The following CTNNA3 variants were observed in gnomAD, a reference collection of about 807,000 sequenced individuals.
CTNNA3 encodes catenin alpha 3.
In CTNNA3, 76 loss-of-function variants were observed where a neutral mutation model predicts 95.7. That is an observed-to-expected ratio of 0.79 (90% CI 0.66 to 0.96). CTNNA3 has a LOEUF of 0.96. Among genes scored for constraint, CTNNA3 ranks in the 40% least tolerant of loss-of-function variants. The probability of loss-of-function intolerance (pLI) is 0.00; values close to 1 mark genes in which losing one functional copy is unlikely to be tolerated. For synonymous variants in CTNNA3, 431 were observed against 374.4 expected, an observed-to-expected ratio of 1.15 and a Z score of -1.74; for missense variants, 1,191 against 1,089.8, an observed-to-expected ratio of 1.09 and a Z score of -1.31.
intron 5 of CTNNA3, among the ~76,000 whole-genome samples, chr10:67,253,842 A>G (rs1866217348): frequency 6.6e-6 from 1 of 152,212 alleles, no homozygotes. Flanking sequence ...GAGGCCCAGA[A>G]GGTAATGCAA....
chr10:66,920,699 T>A (rs2044712480), intron 7 of CTNNA3, among the ~76,000 whole-genome samples: 1 of 152,158 alleles, frequency 6.6e-6, no homozygotes, highest in South Asian at 2.1e-4. Flanking sequence ...AAATCCAGAT[T>A]TAATCCAAAT....
At chr10:67,680,567 C>G (rs1178393109) in intron 1 of CTNNA3, among the ~76,000 whole-genome samples, 6 of 152,136 alleles carry the variant, frequency 3.9e-5, no homozygotes, top group Non-Finnish European at 7.4e-5. Context: ...ATCTTCCCAG[C>G]TGCATTGTCT....
intron 3 of CTNNA3, among the ~76,000 whole-genome samples, chr10:67,586,867 C>T (rs1229259904): frequency 5.3e-5 from 8 of 151,298 alleles, no homozygotes; most frequent in Non-Finnish European, 1.0e-4. Flanking sequence ...TTCTTTGTAC[C>T]CTTCTTTTTC....
chr10:67,333,082 C>T (rs183272121), intron 5 of CTNNA3, among the ~76,000 whole-genome samples: 1 of 152,272 alleles, frequency 6.6e-6, no homozygotes, highest in East Asian at 1.9e-4. Flanking sequence ...AAGCGTACTG[C>T]AATGAAAAGT....
intron 8 of CTNNA3, among the ~76,000 whole-genome samples, chr10:66,774,909 C>A (rs1252012488): frequency 6.6e-6 from 1 of 151,922 alleles, no homozygotes; most frequent in Admixed American, 6.6e-5. Flanking sequence ...AAAAAGAAGG[C>A]TTAACTTTTA....
chr10:67,697,886 G>A (rs77932157), upstream of CTNNA3, among the ~76,000 whole-genome samples: 11,010 of 152,092 alleles, frequency 0.072, 797 homozygotes, highest in African/African-American at 0.19. Flanking sequence ...AGGCCCCATG[G>A]TCCTCTGTAT....
At chr10:66,297,332 GAAT>G (rs1270755203) in intron 12 of CTNNA3, among the ~76,000 whole-genome samples, 2 of 151,920 alleles carry the variant, frequency 1.3e-5, no homozygotes, top group Non-Finnish European at 2.9e-5. Flanking sequence ...TGCTGAGACA[GAAT>G]AATAAATAAA....
intron 7 of CTNNA3, among the ~76,000 whole-genome samples, chr10:66,941,370 C>A (rs976550301): frequency 3.3e-5 from 5 of 152,184 alleles, no homozygotes; most frequent in African/African-American, 1.2e-4. Flanking sequence ...AGATTTATGA[C>A]ATAAGGATAG....
At chr10:66,824,521 T>C (rs1842423536) in intron 7 of CTNNA3, among the ~76,000 whole-genome samples, 1 of 152,028 alleles carries the variant, frequency 6.6e-6, no homozygotes, top group Admixed American at 6.6e-5. Flanking sequence ...GGTAAGGAAA[T>C]AGGTACCTTG....
chr10:66,278,285 A>G (rs1213548811), intron 13 of CTNNA3, among the ~76,000 whole-genome samples: 2 of 151,400 alleles, frequency 1.3e-5, no homozygotes, highest in Non-Finnish European at 2.9e-5. Flanking sequence ...TATTGGTAGA[A>G]ATAACATAAG....
intron 2 of CTNNA3, among the ~76,000 whole-genome samples, chr10:67,620,802 A>G (rs35003246): frequency 0.11 from 16,838 of 151,836 alleles, 1,466 homozygotes; most frequent in African/African-American, 0.24. Flanking sequence ...ACTGTTTCCT[A>G]AAAGAAAAAA....
intron 1 of CTNNA3, among the ~76,000 whole-genome samples, chr10:67,745,496 C>A (rs1420362582): frequency 1.1e-5 from 1 of 93,346 alleles, no homozygotes; most frequent in East Asian, 3.7e-4. Flanking sequence ...ACATCACACA[C>A]CGGGGACTGT....
intron 14 of CTNNA3, among the ~76,000 whole-genome samples, chr10:66,075,755 A>T (rs1363725739): frequency 3.3e-5 from 5 of 151,774 alleles, no homozygotes; most frequent in Non-Finnish European, 7.4e-5. Flanking sequence ...AGGGGAAATG[A>T]CTTAAAAGAA....
rs116133756 is a variant in CTNNA3, at chr10:65,961,367, A to T, written c.2400+5245T>A. On this transcript the variant is annotated intron_variant, in intron 17 of 17. Transcript: ENST00000433211. ...ACTGATACTGCTTTTAAAAAGATAT[A>T]AAAACACCTTCTAAATGCAAAACCC... Among the ~76,000 whole-genome samples the T allele has an allele frequency of 7.8e-3, 1,195 of 152,244 alleles. 12 individuals carry two copies. The highest frequency in any genetic ancestry group is 0.028 in the African/African-American group (1,146 of 41,542).
At chr10:67,718,903 G>A (rs1841161365) in intron 1 of CTNNA3, among the ~76,000 whole-genome samples, 1 of 152,142 alleles carries the variant, frequency 6.6e-6, no homozygotes, top group Non-Finnish European at 1.5e-5. Flanking sequence ...TGTACCTCTG[G>A]TAGAATTCGG....
At chr10:66,352,319 C>T (rs781386921) in intron 12 of CTNNA3, among the ~76,000 whole-genome samples, 16 of 152,002 alleles carry the variant, frequency 1.1e-4, no homozygotes, top group Non-Finnish European at 2.4e-4. Context: ...GGGGAAGGAA[C>T]ATACACAATG....
intron 11 of CTNNA3, among the ~76,000 whole-genome samples, chr10:66,453,610 A>C (rs1357765593): frequency 6.6e-6 from 1 of 152,244 alleles, no homozygotes; most frequent in Non-Finnish European, 1.5e-5. Context: ...TAATCAGCCT[A>C]ATCGAAGGAA....
intron 17 of CTNNA3, among the ~76,000 whole-genome samples, chr10:65,930,463 T>A (rs1016383406): frequency 3.3e-5 from 5 of 152,134 alleles, no homozygotes; most frequent in African/African-American, 1.2e-4. Flanking sequence ...TGGTTAACTC[T>A]AGCTGAAAAT....
chr10:66,073,647 C>A (rs1344269153), intron 14 of CTNNA3, among the ~76,000 whole-genome samples: 3 of 151,936 alleles, frequency 2.0e-5, no homozygotes, highest in African/African-American at 7.2e-5. Flanking sequence ...TTATCACATC[C>A]ATTTCCCTCT....
Sources: allele counts gnomAD v4.1 joint callset (sites outside exome capture counted in the v4.1 genomes callset), GRCh38; gene constraint gnomAD v4.1.1; transcripts MANE v1.5; gene names NCBI Gene and HGNC (gene_info 2026-07-23, HGNC 2026-07-21).